The following DSCAM variants were observed in gnomAD, a reference collection of about 807,000 sequenced individuals.
The protein encoded by DSCAM is DS cell adhesion molecule.
DSCAM carries 47 observed loss-of-function variants against 217.7 expected under a neutral mutation model. The ratio of observed to expected loss-of-function variants is 0.22; its 90% CI spans 0.17 to 0.28. The LOEUF is 0.28. Ranked by LOEUF, DSCAM falls within the 10% of genes least tolerant of loss-of-function variation. The probability of loss-of-function intolerance (pLI) is 1.00; values close to 1 mark genes in which losing one functional copy is unlikely to be tolerated. For missense variants in DSCAM, 2,080 were observed against 2,618.3 expected (o/e 0.79, Z 4.49); for synonymous variants, 1,056 against 1,015.3 (o/e 1.04, Z -0.76).
chr21:40,292,333 TAC>T (rs1300864517), intron 10 of DSCAM, among the ~76,000 whole-genome samples: 1 of 152,118 alleles, frequency 6.6e-6, no homozygotes, highest in East Asian at 1.9e-4. Context: ...GTTTTGTTTA[TAC>T]AGTTTTGTCA....
intron 16 of DSCAM, among the ~76,000 whole-genome samples, chr21:40,156,363 C>T (rs966333928): frequency 1.4e-5 from 2 of 146,356 alleles, no homozygotes; most frequent in African/African-American, 2.5e-5. Context: ...AAGGAGTAAG[C>T]GGCATCAGTC....
chr21:40,105,235 T>A (rs2089803487), intron 20 of DSCAM, among the ~76,000 whole-genome samples: 1 of 152,202 alleles, frequency 6.6e-6, no homozygotes, highest in South Asian at 2.1e-4. Context: ...TAATGCCTAG[T>A]GGACAAACAA....
intron 26 of DSCAM, 47 bp from the exon 27 acceptor site, chr21:40,075,260 T>A (rs767321367): frequency 1.9e-6 from 3 of 1,601,468 alleles, no homozygotes. Context: ...GAAGACGGCA[T>A]GGCGGAGCTT....
chr21:40,053,783 T>A (rs1209858718), intron 29 of DSCAM, among the ~76,000 whole-genome samples: 1 of 152,088 alleles, frequency 6.6e-6, no homozygotes, highest in Non-Finnish European at 1.5e-5. Flanking sequence ...TGGAAATGAC[T>A]GGCAGGCTTC....
intron 3 of DSCAM, among the ~76,000 whole-genome samples, chr21:40,603,545 T>C (rs75849928): frequency 0.053 from 8,006 of 152,302 alleles, 252 homozygotes; most frequent in Middle Eastern, 0.14. Context: ...TGACCCATGC[T>C]ATTTTCTTCT....
intron 3 of DSCAM, among the ~76,000 whole-genome samples, chr21:40,599,787 C>T (rs2146259332): frequency 6.6e-6 from 1 of 152,134 alleles, no homozygotes; most frequent in East Asian, 1.9e-4. Context: ...ACCACTGACC[C>T]CACAGAAATA....
intron 3 of DSCAM, among the ~76,000 whole-genome samples, chr21:40,585,194 T>C (rs1011459599): frequency 6.7e-6 from 1 of 148,988 alleles, no homozygotes; most frequent in Non-Finnish European, 1.5e-5. Context: ...TTTTTTTTTT[T>C]ACAACTTACC....
At chr21:40,210,852 T>C (rs1205623052) in intron 11 of DSCAM, among the ~76,000 whole-genome samples, 1 of 152,190 alleles carries the variant, frequency 6.6e-6, no homozygotes, top group African/African-American at 2.4e-5. Context: ...GCCACCTTCA[T>C]TATTTTTAAC....
intron 32 of DSCAM, among the ~76,000 whole-genome samples, chr21:40,041,726 C>A (rs1034541599): frequency 2.0e-5 from 3 of 152,180 alleles, no homozygotes; most frequent in African/African-American, 4.8e-5. Context: ...TTAATGTTAG[C>A]CAGTTACCAT....
In DSCAM at chr21:40,539,300, T is replaced by A. The variant is rs570466721; in HGVS notation, c.508+153510A>T. Among the ~76,000 whole-genome samples, 11 of 151,830 alleles carry A rather than the reference T, an allele frequency of 7.2e-5. No homozygotes were observed. In the East Asian group the frequency reaches 2.1e-3, roughly 30 times the overall value. On this transcript the variant is annotated intron_variant, in intron 3 of 32. Coordinates refer to ENST00000400454, the MANE Select transcript of DSCAM (RefSeq NM_001389.5). ...CGGGCGGATCACGAGGTCAGGAGATTGAGACCATGGTGCAACGCCGTCGTC... is the reference window on the plus strand; with the variant it reads ...CGGGCGGATCACGAGGTCAGGAGATAGAGACCATGGTGCAACGCCGTCGTC...
At chr21:40,028,794 T>C (rs2088454462) in intron 32 of DSCAM, among the ~76,000 whole-genome samples, 1 of 152,224 alleles carries the variant, frequency 6.6e-6, no homozygotes, top group African/African-American at 2.4e-5. Context: ...ATCACCCGTC[T>C]TCTGCGTCGC....
At chr21:40,030,029 TTCACACACAAGTACACATGC>T (rs2088487972) in intron 32 of DSCAM, among the ~76,000 whole-genome samples, 1 of 152,164 alleles carries the variant, frequency 6.6e-6, no homozygotes, top group Non-Finnish European at 1.5e-5. Context: ...CACATACACA[TTCACACACAAGTACACATGC>T]ATGGACACAT....
chr21:40,542,312 C>T (rs2076548649), intron 3 of DSCAM, among the ~76,000 whole-genome samples: 1 of 152,188 alleles, frequency 6.6e-6, no homozygotes, highest in East Asian at 1.9e-4. Flanking sequence ...AACGATGTCA[C>T]AAGAAACACA....
chr21:40,090,656 C>A (rs2089596601), intron 21 of DSCAM, among the ~76,000 whole-genome samples: 1 of 152,136 alleles, frequency 6.6e-6, no homozygotes, highest in Admixed American at 6.5e-5. Context: ...TGCCTGCTCC[C>A]ACTCCCTTTG....
intron 32 of DSCAM, among the ~76,000 whole-genome samples, chr21:40,039,127 C>T (rs1162569622): frequency 6.6e-6 from 1 of 151,720 alleles, no homozygotes; most frequent in Non-Finnish European, 1.5e-5. Flanking sequence ...TGTAACTAAC[C>T]TGCACAATAT....
chr21:40,389,276 T>A (rs1239840357), intron 3 of DSCAM, among the ~76,000 whole-genome samples: 1 of 152,212 alleles, frequency 6.6e-6, no homozygotes, highest in East Asian at 1.9e-4. Context: ...TTTCTTTCAT[T>A]TCCTGACATT....
chr21:40,014,199 A>G (rs986875641), intron 32 of DSCAM, among the ~76,000 whole-genome samples: 5 of 152,140 alleles, frequency 3.3e-5, no homozygotes, highest in Middle Eastern at 3.2e-3. Flanking sequence ...AAGACCAGCC[A>G]GGCCAACATG....
intron 3 of DSCAM, among the ~76,000 whole-genome samples, chr21:40,583,338 G>A (rs2146227041): frequency 6.6e-6 from 1 of 152,286 alleles, no homozygotes; most frequent in East Asian, 1.9e-4. Context: ...TTTCGTATCT[G>A]GCTGTTCAAT....
At chr21:40,161,565 C>T (rs2090542135) in intron 16 of DSCAM, among the ~76,000 whole-genome samples, 1 of 152,254 alleles carries the variant, frequency 6.6e-6, no homozygotes, top group East Asian at 1.9e-4. Context: ...CCTCACGGAA[C>T]CTAGAGTCTA....
Sources: allele counts gnomAD v4.1 joint callset (sites outside exome capture counted in the v4.1 genomes callset), GRCh38; gene constraint gnomAD v4.1.1; transcripts MANE v1.5; gene names NCBI Gene and HGNC (gene_info 2026-07-23, HGNC 2026-07-21).